The following C12orf75 variants were observed in gnomAD, a reference collection of about 807,000 sequenced individuals.
The protein encoded by C12orf75 is overexpressed in colon carcinoma 1 protein.
Under a neutral mutation model 11.4 loss-of-function variants are expected in C12orf75, and 4 were observed. That is an observed-to-expected ratio of 0.35 (90% CI 0.17 to 0.80). The LOEUF is 0.80. Ranked by LOEUF, C12orf75 falls within the 30% of genes least tolerant of loss-of-function variation. The pLI, the probability that C12orf75 is intolerant of heterozygous loss-of-function variation, is 0.52. For synonymous variants in C12orf75, 30 were observed against 30.0 expected (o/e 1.00, Z 0.00); for missense variants, 89 against 80.4 (o/e 1.11, Z -0.41).
chr12:105,335,664 T>TAATGGAACTCACTC (rs1892491800), intron 1 of C12orf75, among the ~76,000 whole-genome samples: 1 of 148,250 alleles, frequency 6.7e-6, no homozygotes, highest in Non-Finnish European at 1.5e-5. Context: ...TCCACATTTT[T>TAATGGAACTCACTC]AATGGAACTC....
intron 1 of C12orf75, among the ~76,000 whole-genome samples, chr12:105,342,420 C>G (rs1223047558): frequency 6.6e-6 from 1 of 152,200 alleles, no homozygotes; most frequent in African/African-American, 2.4e-5. Flanking sequence ...CATAAAGGCC[C>G]TCACCAGATG....
intron 2 of C12orf75, among the ~76,000 whole-genome samples, chr12:105,350,004 T>C (rs1336744181): frequency 1.3e-5 from 2 of 152,248 alleles, no homozygotes; most frequent in Admixed American, 6.5e-5. Context: ...ATTAGGACTT[T>C]AGATACAAAG....
chr12:105,347,927 G>T (rs1892658805), intron 1 of C12orf75, among the ~76,000 whole-genome samples: 1 of 152,126 alleles, frequency 6.6e-6, no homozygotes, highest in Non-Finnish European at 1.5e-5. Flanking sequence ...CAACTTAAAA[G>T]GTGTATGGCT....
At chr12:105,331,329 C>G (rs1892419694) in intron 1 of C12orf75, among the ~76,000 whole-genome samples, 1 of 151,932 alleles carries the variant, frequency 6.6e-6, no homozygotes, top group Non-Finnish European at 1.5e-5. Context: ...TCCTCGGAAC[C>G]AAGGCGCTGC....
chr12:105,356,463 T>G (rs1428374248), intron 2 of C12orf75, among the ~76,000 whole-genome samples: 2 of 139,330 alleles, frequency 1.4e-5, no homozygotes, highest in Non-Finnish European at 3.2e-5. Context: ...TTTTTTTTGC[T>G]TTTTAGATCA....
In C12orf75 at chr12:105,330,925, G is replaced by T; in HGVS notation, c.34G>T (p.Gly12Cys). 8.1e-7 allele frequency: 1 copy of T among 1,240,918 alleles called. No homozygotes were observed. The highest frequency in any genetic ancestry group is 3.7e-5 in the South Asian group (1 of 26,990). 76.9% of individuals were successfully genotyped at this position (1,240,918 alleles called of 1,614,324 possible). A position where few individuals can be genotyped will look rare whatever the true frequency, so the allele number is the denominator to read the frequency against. Residue 12 changes from glycine (G) to cysteine (C), a missense_variant, in exon 1 of 6, where the codon GGC becomes TGC. Gly to Cys is a radical substitution (Grantham distance 159). Coordinates refer to ENST00000443585, the MANE Select transcript of C12orf75 (RefSeq NM_001145199.2). ...CGGGAACTCCACCGCCACCAGCGCG[G>T]GCGCGGGCCAAGGTGAGTCCGGCGG... ...GCGNSTATSA[G>C]AGQGPAGAAK...
chr12:105,339,981 A>G (rs1892547496), intron 1 of C12orf75, among the ~76,000 whole-genome samples: 1 of 152,178 alleles, frequency 6.6e-6, no homozygotes, highest in Non-Finnish European at 1.5e-5. Flanking sequence ...TTGGGAGGAA[A>G]TACTCACATC....
intron 1 of C12orf75, among the ~76,000 whole-genome samples, chr12:105,331,177 C>G (rs2136137727): frequency 6.6e-6 from 1 of 152,080 alleles, no homozygotes; most frequent in South Asian, 2.1e-4. Context: ...GCGGGGAGGA[C>G]TGTCGCGGGC....
intron 1 of C12orf75, among the ~76,000 whole-genome samples, chr12:105,338,730 G>A (rs1004292276): frequency 6.7e-5 from 10 of 148,166 alleles, no homozygotes; most frequent in African/African-American, 2.4e-4. Context: ...GCAGTAGAGA[G>A]AAGGGAGGGA....
intron 1 of C12orf75, among the ~76,000 whole-genome samples, chr12:105,341,504 G>A (rs1892573298): frequency 6.6e-6 from 1 of 152,082 alleles, no homozygotes; most frequent in Non-Finnish European, 1.5e-5. Flanking sequence ...TAGATTTGGG[G>A]GTCTTCACAA....
chr12:105,367,812 C>T (rs1428226527), intron 5 of C12orf75, among the ~76,000 whole-genome samples: 1 of 152,060 alleles, frequency 6.6e-6, no homozygotes, highest in Non-Finnish European at 1.5e-5. Flanking sequence ...TCTTTGAGGG[C>T]CTAGGACTTG....
At chr12:105,359,473 G>A (rs1305923770) in intron 2 of C12orf75, among the ~76,000 whole-genome samples, 1 of 151,976 alleles carries the variant, frequency 6.6e-6, no homozygotes, top group East Asian at 1.9e-4. Context: ...CTATTATTTA[G>A]CAGTGGATTA....
rs926213363 is a variant in C12orf75 at position 105,370,131 on chromosome 12, A to T, written c.*34-503A>T. ...AGATGTGTAGTTTCTTCTGCAGATG[A>T]CCCTAGGCTGAAAGTTATGCCCACT... is the stretch of plus-strand genomic sequence containing the variant. On this transcript the variant is annotated intron_variant, in intron 5 of 5. Transcript: ENST00000443585. Among the ~76,000 whole-genome samples the T allele has an allele frequency of 5.3e-5, 8 of 152,058 alleles. No homozygotes were observed. In the East Asian group the frequency reaches 1.5e-3, roughly 29 times the overall value.
At chr12:105,349,442 T>G (rs750883065) in intron 2 of C12orf75, among the ~76,000 whole-genome samples, 4 of 152,154 alleles carry the variant, frequency 2.6e-5, no homozygotes, top group Non-Finnish European at 4.4e-5. Context: ...GAGAGTGGGC[T>G]GGGGTGAGGC....
intron 1 of C12orf75, among the ~76,000 whole-genome samples, chr12:105,337,468 T>C (rs113974010): frequency 2.0e-5 from 3 of 152,188 alleles, no homozygotes; most frequent in Non-Finnish European, 4.4e-5. Flanking sequence ...AAGGGGACTC[T>C]GGTAGGCAGG....
Position 105,357,201 on chromosome 12 carries a change from T to C in C12orf75, c.71+8575T>C, listed in dbSNP as rs140848401. 5.1e-4 allele frequency among the ~76,000 whole-genome samples: 78 copies of C among 152,330 alleles called. 1 individual carries two copies. The highest frequency in any genetic ancestry group is 1.8e-3 in the African/African-American group (73 of 41,576). Reference sequence around the variant, plus strand: ...CTACCTAGAGAATCTGGATCAGCACTGCTATTCACCCTGAGAAGGGTAAGA... The same window carrying C: ...CTACCTAGAGAATCTGGATCAGCACCGCTATTCACCCTGAGAAGGGTAAGA... On this transcript the variant is annotated intron_variant, in intron 2 of 5. Coordinates refer to ENST00000443585, the MANE Select transcript of C12orf75 (RefSeq NM_001145199.2).
At chr12:105,359,556 G>A (rs1025454977) in intron 2 of C12orf75, among the ~76,000 whole-genome samples, 1 of 151,862 alleles carries the variant, frequency 6.6e-6, no homozygotes, top group Non-Finnish European at 1.5e-5. Context: ...GGATCACTTG[G>A]GGTCAGGAGT....
intron 1 of C12orf75, among the ~76,000 whole-genome samples, chr12:105,337,970 A>G (rs1163481492): frequency 2.0e-5 from 3 of 151,972 alleles, no homozygotes; most frequent in Non-Finnish European, 4.4e-5. Flanking sequence ...AGAGTAAGAG[A>G]AAAAAAACCT....
intron 2 of C12orf75, among the ~76,000 whole-genome samples, chr12:105,359,173 A>G (rs1892825381): frequency 6.6e-6 from 1 of 152,170 alleles, no homozygotes; most frequent in Non-Finnish European, 1.5e-5. Flanking sequence ...ATAAGCTTCA[A>G]TGCTTGGGGC....
Sources: gnomAD v4.1 joint callset for allele counts (sites outside exome capture counted in the v4.1 genomes callset) on GRCh38, gnomAD v4.1.1 for gene constraint, MANE v1.5 for transcripts, NCBI Gene and HGNC (gene_info 2026-07-23, HGNC 2026-07-21) for gene names.